The following AIRE variants were observed in gnomAD, a reference collection of about 807,000 sequenced individuals.
AIRE encodes the protein autoimmune polyendocrinopathy candidiasis ectodermal dystrophy protein.
Under a neutral mutation model 62.1 loss-of-function variants are expected in AIRE, and 52 were observed. That is an observed-to-expected ratio of 0.84 (90% CI 0.67 to 1.06). AIRE has a LOEUF of 1.06. Ranked by LOEUF, AIRE falls within the 50% of genes least tolerant of loss-of-function variation. The pLI is 0.00. For synonymous variants in AIRE, 342 were observed against 321.6 expected (o/e 1.06, Z -0.68); for missense variants, 774 against 755.8 (o/e 1.02, Z -0.28).
chr21:44,293,659 C>T, intron 10 of AIRE, 130 bp from the exon 11 acceptor site: 2 of 1,439,256 alleles, frequency 1.4e-6, no homozygotes, highest in South Asian at 2.6e-5. Context: ...CACCGTGAGG[C>T]TCCTCACTTG....
At chr21:44,290,764 G>T (rs1232769344) in intron 7 of AIRE, 3 of 1,460,028 alleles carry the variant, frequency 2.1e-6, no homozygotes, top group Non-Finnish European at 2.8e-6. Flanking sequence ...GGTCGGGAGA[G>T]ACCTCCCTGG....
At position 44,287,433 on chromosome 21, in the gene AIRE, C is replaced by A; in HGVS notation, c.464-84C>A. ...ACCCAGCACTGGACCGCCCCCTCCA[C>A]GCCCTCCCACCGCGGGCCCCTGCCC... On this transcript the variant is annotated intron_variant, in intron 3 of 13. Transcript: ENST00000291582. This position sits in a 1 kb window ranked among gnomAD's most constrained non-coding sequence, Gnocchi z 4.3. 6 of 977,896 alleles carry A rather than the reference C, an allele frequency of 6.1e-6. No individual in the cohort carries two copies. Among genetic ancestry groups the A allele is most frequent in the Non-Finnish European group, 9.5e-6 (6 of 629,730 alleles). 60.6% of individuals were successfully genotyped at this position (977,896 alleles called of 1,614,324 possible). A position where few individuals can be genotyped will look rare whatever the true frequency, so the allele number is the denominator to read the frequency against.
rs778324245 is a variant in AIRE at position 44,290,900 on chromosome 21, T to C, written c.880-195T>C. 13 of 1,610,584 alleles carry C rather than the reference T, an allele frequency of 8.1e-6. No individual in the cohort carries two copies. In the Admixed American group the frequency reaches 2.2e-4, roughly 27 times the overall value. ...AATAGGGATGGCCCCGGGGGGTGTC[T>C]GTTGGAGACCAGATGGATGGGGAAC... On this transcript the variant is annotated intron_variant, in intron 7 of 13. Coordinates refer to ENST00000291582, the MANE Select transcript of AIRE (RefSeq NM_000383.4).
chr21:44,287,526 T>C lies in AIRE; in HGVS notation c.473T>C (p.Leu158Pro), dbSNP rs2040495001. 3 of 1,555,130 alleles carry C rather than the reference T, an allele frequency of 1.9e-6. No homozygotes were observed. The highest frequency in any genetic ancestry group is 2.6e-6 in the Non-Finnish European group (3 of 1,149,522). The part of the protein sequence containing the change: ...PRGTASPGSQ[L>P]KAKPPKKPES... ...CAGCTCCCCCATTCAGGCTCTCAACTGAAGGCCAAGCCCCCCAAGAAGCCG... is the reference window on the plus strand; with the variant it reads ...CAGCTCCCCCATTCAGGCTCTCAACCGAAGGCCAAGCCCCCCAAGAAGCCG... The change falls in exon 4 of 14, where the codon CTG becomes CCG. Residue 158 changes from leucine (L) to proline (P), a missense_variant. By Grantham distance (98) the Leu-to-Pro change is moderately conservative (BLOSUM62 -3). This residue lies in a region of AIRE where 385 missense variants were observed against 396.0 expected (regional missense o/e 0.97). Transcript: ENST00000291582. The surrounding 1 kb of genome is among the most constrained non-coding windows in gnomAD (Gnocchi z 4.3).
chr21:44,294,404 G>T lies in AIRE; in HGVS notation c.1404G>T (p.Thr468=), dbSNP rs7281600. 1 of 1,569,320 alleles carries T rather than the reference G, an allele frequency of 6.4e-7. No individual in the cohort carries two copies. Among genetic ancestry groups the T allele is most frequent in the Non-Finnish European group, 8.6e-7 (1 of 1,165,324 alleles). ...AGCCCCTCATCCTCTGCTGCAGGAC[G>T]GGCCTGCGCTGCAGATCCTGCTCAG... ...HFPAGTSRPG[T]GLRCRSCSGD... The change falls in exon 12 of 14, where the codon ACG becomes ACT. Residue 468 remains threonine (T), a synonymous_variant. Coordinates refer to ENST00000291582, the MANE Select transcript of AIRE (RefSeq NM_000383.4).
intron 8 of AIRE, among the ~76,000 whole-genome samples, chr21:44,291,814 C>A (rs2040543456): frequency 6.6e-6 from 1 of 152,148 alleles, no homozygotes; most frequent in Admixed American, 6.5e-5. Context: ...GCCCCAGCCC[C>A]TGAGTGGCCG....
At position 44,286,714 on chromosome 21, in the gene AIRE, T is replaced by C. The variant is rs2146375951; in HGVS notation, c.290T>C (p.Leu97Pro). Residue 97 changes from leucine to proline, a missense_variant, in exon 2 of 14, where the codon CTG (leucine) becomes CCG (proline). Transcript: ENST00000291582. This position sits in a 1 kb window ranked among gnomAD's most constrained non-coding sequence, Gnocchi z 6.0. ...LERYGRLQPI[L>P]DSFPKDVDLS... ...CGCTATGGCCGGCTGCAGCCCATCC[T>C]GGACAGCTTCCCCAAAGGTGGGTCC... 1 of 1,612,992 alleles carries C rather than the reference T, an allele frequency of 6.2e-7. No individual in the cohort carries two copies. Among genetic ancestry groups the C allele is most frequent in the Non-Finnish European group, 8.5e-7 (1 of 1,179,998 alleles).
Position 44,296,333 on chromosome 21 carries a change from C to A in AIRE, c.1504-50C>A, listed in dbSNP as rs373608872. On this transcript the variant is annotated intron_variant, in intron 12 of 13. Coordinates refer to ENST00000291582, the MANE Select transcript of AIRE (RefSeq NM_000383.4). ...CTAGGCCCTGCGGCCTCTGTACCCC[C>A]ACCAGGGCTGTGGGAGTTGGGCTGA... 6.4e-5 allele frequency: 99 copies of A among 1,551,444 alleles called. No individual in the cohort carries two copies. In the African/African-American group the frequency reaches 1.1e-3, roughly 17 times the overall value.
rs138489664 is a variant in AIRE, at chr21:44,289,803, G to C, written c.798+1G>C. ...CAAGGGAGCCCAGGGCGCTGCCCCC[G>C]TAAGCACCTGACCTTCCCTGGGGAG... On this transcript the variant is annotated splice_donor_variant, in intron 6 of 13. Coordinates refer to ENST00000291582, the MANE Select transcript of AIRE (RefSeq NM_000383.4). LOFTEE classifies it high-confidence loss of function. 3 of 1,612,516 alleles carry C rather than the reference G, an allele frequency of 1.9e-6. No individual in the cohort carries two copies. Among genetic ancestry groups the C allele is most frequent in the African/African-American group, 2.7e-5 (2 of 75,050 alleles).
rs912513180 is a variant in AIRE at position 44,295,646 on chromosome 21, G to A, written c.1504-737G>A. Among the ~76,000 whole-genome samples, 4 of 152,166 alleles carry A rather than the reference G, an allele frequency of 2.6e-5. No homozygotes were observed. In the South Asian group the frequency reaches 6.2e-4, roughly 24 times the overall value. ...TTGTCATCGTGATGTGAAATGTAACGCCATGTCAGAGGAAAAGTTCTGGCT... is the reference window on the plus strand; with the variant it reads ...TTGTCATCGTGATGTGAAATGTAACACCATGTCAGAGGAAAAGTTCTGGCT... On this transcript the variant is annotated intron_variant, in intron 12 of 13. Transcript: ENST00000291582.
rs781502496 is a variant in AIRE at position 44,293,863 on chromosome 21, T to C, written c.1353T>C (p.Ala451=). The C allele has an allele frequency of 8.1e-6, 13 of 1,596,626 alleles. No individual in the cohort carries two copies. The highest frequency in any genetic ancestry group is 1.0e-5 in the Non-Finnish European group (12 of 1,179,532). Residue 451 remains alanine (A), a synonymous_variant, in exon 11 of 14, where the codon GCT becomes GCC. Transcript: ENST00000291582. ...TGCTGCGGTGTACTCACTGCGCCGC[T>C]GCCTTCCACTGGCGCTGCCACTTCC... The part of the protein sequence containing the change: ...TDVLRCTHCA[A]AFHWRCHFPA...
Position 44,287,473 on chromosome 21 carries a change from C to A in AIRE, c.464-44C>A. The A allele has an allele frequency of 7.0e-7, 1 of 1,427,426 alleles. No homozygotes were observed. Among genetic ancestry groups the A allele is most frequent in the South Asian group, 1.2e-5 (1 of 81,378 alleles). The allele number at this position is 1,427,426 out of a possible 1,614,324, so 88.4% of individuals were successfully genotyped here. A position where few individuals can be genotyped will look rare whatever the true frequency, so the allele number is the denominator to read the frequency against. ...GGCCCCTGCCCACCGGCACTCACCC[C>A]CACTGAGAGGGGAGGCCAGGCTGCC... On this transcript the variant is annotated intron_variant, in intron 3 of 13. Coordinates refer to ENST00000291582, the MANE Select transcript of AIRE (RefSeq NM_000383.4). This position sits in a 1 kb window ranked among gnomAD's most constrained non-coding sequence, Gnocchi z 4.3.
At chr21:44,294,007 C>A in intron 11 of AIRE, 97 bp downstream of exon 11, 42 of 1,464,194 alleles carry the variant, frequency 2.9e-5, no homozygotes, top group Non-Finnish European at 3.2e-5. Flanking sequence ...CACAACCACA[C>A]CCCACCCACA....
Position 44,294,383 on chromosome 21 carries a change from C to T in AIRE, c.1401-18C>T. 6.5e-7 allele frequency: 1 copy of T among 1,540,426 alleles called. No individual in the cohort carries two copies. On this transcript the variant is annotated intron_variant, in intron 11 of 13. Coordinates refer to ENST00000291582, the MANE Select transcript of AIRE (RefSeq NM_000383.4). ...CTGCTCCCCCCCAGGGCTGGCAGCC[C>T]CTCATCCTCTGCTGCAGGACGGGCC...
chr21:44,291,346 G>T, intron 8 of AIRE, 136 bp downstream of exon 8: 1 of 1,394,154 alleles, frequency 7.2e-7, no homozygotes, highest in Middle Eastern at 2.5e-4. Context: ...TCACTGGGCC[G>T]TGGGGCCGGG....
intron 4 of AIRE, 94 bp from the exon 5 acceptor site, chr21:44,288,251 C>T (rs2040501984): frequency 1.9e-6 from 2 of 1,063,634 alleles, no homozygotes; most frequent in Non-Finnish European, 1.5e-6. Context: ...AAGGAAAGGG[C>T]TCTGCAGCCC....
Position 44,287,550 on chromosome 21 carries a change from C to T in AIRE, c.497C>T (p.Pro166Leu), listed in dbSNP as rs11910214. ...CTGAAGGCCAAGCCCCCCAAGAAGC[C>T]GGAGAGCAGCGCAGAGCAGCAGCGC... The part of the protein sequence containing the change: ...SQLKAKPPKK[P>L]ESSAEQQRLP... The change falls in exon 4 of 14, where the codon CCG (proline) becomes CTG (leucine). Residue 166 changes from proline (P) to leucine (L), a missense_variant. Around this residue, in one of 3 missense-constraint regions of AIRE, gnomAD observed 385 missense variants for 396.0 expected, o/e 0.97. Coordinates refer to ENST00000291582, the MANE Select transcript of AIRE (RefSeq NM_000383.4). This position sits in a 1 kb window ranked among gnomAD's most constrained non-coding sequence, Gnocchi z 4.3. 1,617 of 1,559,260 alleles carry T rather than the reference C, an allele frequency of 1.0e-3. 17 individuals carry two copies. The African/African-American group carries it at 0.019, about 19-fold the overall frequency.
chr21:44,288,558 C>A, intron 5 of AIRE, 100 bp downstream of exon 5: 1 of 862,640 alleles, frequency 1.2e-6, no homozygotes, highest in Non-Finnish European at 1.9e-6. Context: ...CCACAGCAGA[C>A]CGGACTGTTG....
chr21:44,293,239 A>G, intron 10 of AIRE, 64 bp downstream of exon 10: 1 of 1,373,494 alleles, frequency 7.3e-7, no homozygotes, highest in Non-Finnish European at 9.6e-7. Flanking sequence ...GGGCGGATGA[A>G]TTCACCTGAA....
Sources: gnomAD v4.1 joint callset for allele counts (sites outside exome capture counted in the v4.1 genomes callset) on GRCh38, gnomAD v4.1.1 for gene constraint, gnomAD v4.1.1 regional missense constraint, Gnocchi (gnomAD v3.1) non-coding constraint, MANE v1.5 for transcripts, NCBI Gene and HGNC (gene_info 2026-07-23, HGNC 2026-07-21) for gene names.